The following HNF4G variants were observed in gnomAD, a reference collection of about 807,000 sequenced individuals.
HNF4G encodes hepatocyte nuclear factor 4-gamma.
HNF4G carries 21 observed loss-of-function variants against 50.9 expected under a neutral mutation model. The observed-to-expected ratio is 0.41, with a 90% CI of 0.29 to 0.59. The LOEUF (loss-of-function observed/expected upper bound fraction) is 0.59. HNF4G is among the 20% of genes least tolerant of loss of function. The pLI is 0.26. For synonymous variants in HNF4G, 198 were observed against 185.6 expected (o/e 1.07, Z -0.54); for missense variants, 527 against 559.4 (o/e 0.94, Z 0.58).
intron 1 of HNF4G, among the ~76,000 whole-genome samples, chr8:75,423,856 G>A (rs185239177): frequency 9.2e-4 from 92 of 100,418 alleles, no homozygotes; most frequent in African/African-American, 3.3e-3. Flanking sequence ...AAGGAGTCTC[G>A]CTCTGTCTCC....
At chr8:75,526,556 C>T (rs1341675401) in intron 2 of HNF4G, among the ~76,000 whole-genome samples, 3 of 150,808 alleles carry the variant, frequency 2.0e-5, no homozygotes, top group Admixed American at 6.6e-5. Context: ...TTTTTTGAGA[C>T]AGGGTCTTGC....
intron 2 of HNF4G, among the ~76,000 whole-genome samples, chr8:75,493,217 GA>G (rs1812677136): frequency 1.3e-5 from 2 of 152,014 alleles, no homozygotes; most frequent in African/African-American, 4.8e-5. Context: ...AACAATTTTA[GA>G]AAAGACAGCA....
At chr8:75,544,789 A>C (rs965572333) in intron 2 of HNF4G, among the ~76,000 whole-genome samples, 6 of 152,040 alleles carry the variant, frequency 3.9e-5, no homozygotes, top group African/African-American at 1.4e-4. Flanking sequence ...AAAATGGTTA[A>C]ATTTAACATA....
At chr8:75,549,955 C>G (rs571879022) in intron 3 of HNF4G, among the ~76,000 whole-genome samples, 1 of 152,074 alleles carries the variant, frequency 6.6e-6, no homozygotes, top group Non-Finnish European at 1.5e-5. Flanking sequence ...TTTTTTATGG[C>G]TGCATAGTAT....
intron 1 of HNF4G, among the ~76,000 whole-genome samples, chr8:75,448,742 G>A (rs1341562353): frequency 6.6e-6 from 1 of 151,700 alleles, no homozygotes; most frequent in Non-Finnish European, 1.5e-5. Context: ...CTTGGGATAA[G>A]GAAAATTTTC....
At chr8:75,548,021 C>T (rs1370476400) in intron 3 of HNF4G, among the ~76,000 whole-genome samples, 1 of 148,046 alleles carries the variant, frequency 6.8e-6, no homozygotes, top group Non-Finnish European at 1.5e-5. Context: ...TGGAGTCTCG[C>T]TCTGTCAACC....
chr8:75,459,554 T>C (rs1159839989), intron 1 of HNF4G, among the ~76,000 whole-genome samples: 1 of 152,210 alleles, frequency 6.6e-6, no homozygotes, highest in Non-Finnish European at 1.5e-5. Flanking sequence ...GAGTTCATAC[T>C]TGGCTTGTGT....
intron 2 of HNF4G, among the ~76,000 whole-genome samples, chr8:75,516,076 T>C (rs1389570521): frequency 6.6e-6 from 1 of 152,214 alleles, no homozygotes; most frequent in Non-Finnish European, 1.5e-5. Context: ...AGGGCCACCA[T>C]CTTTTACTAA....
chr8:75,536,592 A>AAT (rs1440328169), upstream of HNF4G, among the ~76,000 whole-genome samples: 1 of 152,168 alleles, frequency 6.6e-6, no homozygotes. Context: ...TTTTAATGTG[A>AAT]ATATATATAA....
rs564612518 is a variant in HNF4G at position 75,426,339 on chromosome 8, G to A, written c.-144+18177G>A. Among the ~76,000 whole-genome samples, 65 of 152,128 alleles carry A rather than the reference G, an allele frequency of 4.3e-4. 1 individual carries two copies. Among genetic ancestry groups the A allele is most frequent in the African/African-American group, 1.4e-3 (59 of 41,500 alleles). On this transcript the variant is annotated intron_variant, in intron 1 of 10. Coordinates refer to the HNF4G transcript ENST00000354370. ...CCATTGCACTTCCTCTAGACTTATC[G>A]TACTTTTTATTTAACTAAGATTATC...
At chr8:75,485,978 A>G (rs1812488459) in intron 1 of HNF4G, among the ~76,000 whole-genome samples, 1 of 152,178 alleles carries the variant, frequency 6.6e-6, no homozygotes, top group Non-Finnish European at 1.5e-5. Flanking sequence ...GCTGTTGCAG[A>G]CACTAGCTTC....
chr8:75,518,714 G>A (rs556707334), intron 2 of HNF4G, among the ~76,000 whole-genome samples: 13 of 152,072 alleles, frequency 8.5e-5, no homozygotes, highest in African/African-American at 2.2e-4. Context: ...GCACAAAGCC[G>A]CAAGGCCCTG....
chr8:75,526,806 G>GGCCC (rs1806195063), intron 2 of HNF4G, among the ~76,000 whole-genome samples: 6 of 148,672 alleles, frequency 4.0e-5, no homozygotes, highest in African/African-American at 1.5e-4. Context: ...TCGTTCTGTC[G>GGCCC]CCCGGGCTAG....
At chr8:75,534,871 A>T (rs1563544759), upstream of HNF4G, among the ~76,000 whole-genome samples, 1 of 151,832 alleles carries the variant, frequency 6.6e-6, no homozygotes. Context: ...GTATTATTAT[A>T]ATAAAACTAT....
chr8:75,484,747 G>A (rs1046093550), intron 1 of HNF4G, among the ~76,000 whole-genome samples: 6 of 152,176 alleles, frequency 3.9e-5, no homozygotes, highest in African/African-American at 1.4e-4. Context: ...CCCAGTGACT[G>A]GGACATAGAA....
At chr8:75,531,028 A>T (rs879403241) in intron 2 of HNF4G, among the ~76,000 whole-genome samples, 1 of 152,048 alleles carries the variant, frequency 6.6e-6, no homozygotes, top group Non-Finnish European at 1.5e-5. Flanking sequence ...TCCTGACCTC[A>T]GGTGATCCAT....
At chr8:75,417,239 T>C (rs1000042192) in intron 1 of HNF4G, among the ~76,000 whole-genome samples, 2 of 152,248 alleles carry the variant, frequency 1.3e-5, no homozygotes, top group African/African-American at 4.8e-5. Flanking sequence ...TAGCTCACTG[T>C]AGCCTCAAAC....
chr8:75,527,440 T>C (rs1267644285), intron 2 of HNF4G, among the ~76,000 whole-genome samples: 1 of 152,186 alleles, frequency 6.6e-6, no homozygotes, highest in African/African-American at 2.4e-5. Flanking sequence ...CTAGGAGCAG[T>C]CGTTCAGTAT....
chr8:75,527,331 G>T (rs1487555165), intron 2 of HNF4G, among the ~76,000 whole-genome samples: 2 of 152,168 alleles, frequency 1.3e-5, no homozygotes, highest in African/African-American at 2.4e-5. Context: ...TATTAAATCA[G>T]TGTCTTTAAA....
Sources: allele counts gnomAD v4.1 joint callset (sites outside exome capture counted in the v4.1 genomes callset), GRCh38; gene constraint gnomAD v4.1.1; transcripts MANE v1.5; gene names NCBI Gene and HGNC (gene_info 2026-07-23, HGNC 2026-07-21).